The following RBFOX1 variants were observed in gnomAD, a reference collection of about 807,000 sequenced individuals.
RBFOX1 encodes RNA binding protein fox-1 homolog 1.
In RBFOX1, 8 loss-of-function variants were observed where a neutral mutation model predicts 57.7. That is an observed-to-expected ratio of 0.14 (90% CI 0.08 to 0.25). RBFOX1 has a LOEUF of 0.25. RBFOX1 is among the 10% of genes least tolerant of loss of function. The probability of loss-of-function intolerance (pLI) is 1.00; values close to 1 mark genes in which losing one functional copy is unlikely to be tolerated. For synonymous variants in RBFOX1, 326 were observed against 222.4 expected, an observed-to-expected ratio of 1.47 and a Z score of -4.15; for missense variants, 611 against 548.5, an observed-to-expected ratio of 1.11 and a Z score of -1.14.
chr16:6,735,241 G>GTCAT (rs2069839987), intron 3 of RBFOX1, among the ~76,000 whole-genome samples: 1 of 152,086 alleles, frequency 6.6e-6, no homozygotes. Context: ...TAATAGAAAG[G>GTCAT]GTATGGTTTG....
intron 1 of RBFOX1, among the ~76,000 whole-genome samples, chr16:6,267,954 C>G (rs1232528095): frequency 6.6e-6 from 1 of 152,130 alleles, no homozygotes; most frequent in Non-Finnish European, 1.5e-5. Context: ...CCTGCCAACC[C>G]GTTTGAAGTA....
At chr16:6,630,953 A>C (rs143304323) in intron 2 of RBFOX1, among the ~76,000 whole-genome samples, 162 of 152,258 alleles carry the variant, frequency 1.1e-3, no homozygotes, top group African/African-American at 3.6e-3. Context: ...AAAGTACCTT[A>C]TTGAATGCAT....
chr16:5,312,225 C>G (rs895864384), intron 1 of RBFOX1, among the ~76,000 whole-genome samples: 1 of 152,270 alleles, frequency 6.6e-6, no homozygotes, highest in Admixed American at 6.5e-5. Context: ...AAGAGGGTCT[C>G]TGAAGCACAA....
intron 4 of RBFOX1, among the ~76,000 whole-genome samples, chr16:7,197,725 A>C (rs2087099303): frequency 1.3e-5 from 2 of 152,224 alleles, no homozygotes; most frequent in African/African-American, 4.8e-5. Flanking sequence ...ATATCCCTGT[A>C]GTAGAACGTT....
chr16:5,646,699 A>G (rs1312966817), intron 3 of RBFOX1, among the ~76,000 whole-genome samples: 1 of 151,848 alleles, frequency 6.6e-6, no homozygotes, highest in Non-Finnish European at 1.5e-5. Flanking sequence ...CTTTGGCGTG[A>G]TCTCTGCTCA....
At chr16:5,608,417 A>G (rs976489540) in intron 3 of RBFOX1, among the ~76,000 whole-genome samples, 32 of 152,292 alleles carry the variant, frequency 2.1e-4, no homozygotes, top group African/African-American at 7.7e-4. Flanking sequence ...AATATGGCAA[A>G]GTGGTTCTGT....
intron 3 of RBFOX1, among the ~76,000 whole-genome samples, chr16:6,737,273 A>G (rs1350078997): frequency 6.6e-6 from 1 of 152,200 alleles, no homozygotes; most frequent in Non-Finnish European, 1.5e-5. Flanking sequence ...TCTTCTGACA[A>G]AAGTTCACTT....
intron 3 of RBFOX1, among the ~76,000 whole-genome samples, chr16:5,763,354 C>T (rs1298186002): frequency 2.0e-5 from 3 of 152,124 alleles, no homozygotes; most frequent in Non-Finnish European, 4.4e-5. Flanking sequence ...GTTGGCTGTG[C>T]TTGGGGGTGA....
At chr16:6,499,438 A>G (rs2095856805) in intron 2 of RBFOX1, among the ~76,000 whole-genome samples, 1 of 152,116 alleles carries the variant, frequency 6.6e-6, no homozygotes, top group African/African-American at 2.4e-5. Flanking sequence ...TTTTTATCCC[A>G]TTGTAGGTTA....
At chr16:5,609,369 G>A (rs35981101) in intron 3 of RBFOX1, among the ~76,000 whole-genome samples, 15,512 of 152,192 alleles carry the variant, frequency 0.1, 1,340 homozygotes, top group East Asian at 0.42. Flanking sequence ...ATTCTCTGTC[G>A]CTTGTCTGAG....
intron 3 of RBFOX1, among the ~76,000 whole-genome samples, chr16:6,858,277 A>T (rs1374063578): frequency 6.6e-6 from 1 of 152,208 alleles, no homozygotes; most frequent in Non-Finnish European, 1.5e-5. Context: ...GGAATGTTTC[A>T]GAGGTCTTCC....
chr16:6,160,511 C>A (rs895379851), intron 1 of RBFOX1, among the ~76,000 whole-genome samples: 1 of 152,154 alleles, frequency 6.6e-6, no homozygotes, highest in Non-Finnish European at 1.5e-5. Flanking sequence ...TGGGCAAACA[C>A]CGTCATCTTT....
intron 1 of RBFOX1, among the ~76,000 whole-genome samples, chr16:5,291,367 A>G (rs1034943676): frequency 7.0e-5 from 10 of 143,118 alleles, no homozygotes; most frequent in African/African-American, 2.4e-4. Flanking sequence ...GGTTCACGCC[A>G]TTCTCCTGCC....
intron 3 of RBFOX1, among the ~76,000 whole-genome samples, chr16:6,913,040 G>C (rs1257741021): frequency 6.6e-6 from 1 of 152,076 alleles, no homozygotes; most frequent in Non-Finnish European, 1.5e-5. Context: ...ATGGGCTTCT[G>C]ATGGGTGGAA....
At chr16:6,354,964 A>G (rs1275573832) in intron 2 of RBFOX1, among the ~76,000 whole-genome samples, 1 of 152,160 alleles carries the variant, frequency 6.6e-6, no homozygotes, top group Non-Finnish European at 1.5e-5. Context: ...CTAAAAAGCC[A>G]TAGGTAGTTG....
chr16:5,357,833 AT>A (rs2065434811), intron 1 of RBFOX1, among the ~76,000 whole-genome samples: 1 of 152,194 alleles, frequency 6.6e-6, no homozygotes, highest in African/African-American at 2.4e-5. Flanking sequence ...TCTGTGTGTA[AT>A]TTTTTATGTG....
In RBFOX1 at chr16:7,579,799, C is replaced by T. The variant is rs373077021; in HGVS notation, c.293C>T (p.Thr98Met). The T allele has an allele frequency of 1.3e-4, 217 of 1,613,982 alleles. No individual in the cohort carries two copies. The highest frequency in any genetic ancestry group is 1.8e-4 in the Non-Finnish European group (208 of 1,179,982). ...TAGCAGACAGATGACGCAGCACCGA[C>T]GGATGGCCAGCCCCAGACACAACCT... ...TATQTDDAAP[T>M]DGQPQTQPSE... is the part of the protein sequence containing the mutation. The change falls in exon 6 of 16, where the codon ACG becomes ATG. Residue 98 changes from threonine to methionine, a missense_variant. Thr to Met is a moderately conservative substitution (Grantham distance 81). Around this residue, in one of 3 missense-constraint regions of RBFOX1, gnomAD observed 245 missense variants for 159.1 expected, o/e 1.54. Coordinates refer to ENST00000550418, the MANE Select transcript of RBFOX1 (RefSeq NM_018723.4).
intron 1 of RBFOX1, among the ~76,000 whole-genome samples, chr16:6,276,830 T>C (rs916199399): frequency 7.1e-6 from 1 of 141,236 alleles, no homozygotes; most frequent in African/African-American, 2.6e-5. Flanking sequence ...TTTTTTTTTT[T>C]ATTAACTATG....
intron 4 of RBFOX1, among the ~76,000 whole-genome samples, chr16:7,353,628 AAAATG>A (rs1206990670): frequency 6.6e-6 from 1 of 152,244 alleles, no homozygotes; most frequent in African/African-American, 2.4e-5. Context: ...GTTCAGGTAT[AAAATG>A]AAATGATGTC....
Sources: allele counts gnomAD v4.1 joint callset (sites outside exome capture counted in the v4.1 genomes callset), GRCh38; gene constraint gnomAD v4.1.1; regional missense constraint gnomAD v4.1.1; transcripts MANE v1.5; gene names NCBI Gene and HGNC (gene_info 2026-07-23, HGNC 2026-07-21).